Variants in MKLN1 observed in about 807,000 individuals in gnomAD.
MKLN1 encodes muskelin 1, also known as muskelin.
In MKLN1, 18 loss-of-function variants were observed where a neutral mutation model predicts 99.0. The ratio of observed to expected loss-of-function variants is 0.18; its 90% CI spans 0.13 to 0.27. The LOEUF is 0.27. Among genes scored for constraint, MKLN1 ranks in the 10% least tolerant of loss-of-function variants. The pLI is 1.00. For missense variants in MKLN1, 621 were observed against 875.9 expected (o/e 0.71, Z 3.67); for synonymous variants, 288 against 293.2 (o/e 0.98, Z 0.18).
At chr7:131,340,232 C>T (rs1208677922) in intron 1 of MKLN1, among the ~76,000 whole-genome samples, 3 of 149,932 alleles carry the variant, frequency 2.0e-5, no homozygotes, top group African/African-American at 7.4e-5. Context: ...GCTTTCATAG[C>T]AGTGTGTACC....
chr7:131,215,482 C>T (rs1387126245), intron 3 of MKLN1, among the ~76,000 whole-genome samples: 1 of 152,058 alleles, frequency 6.6e-6, no homozygotes, highest in East Asian at 1.9e-4. Context: ...GTAGCTGGGA[C>T]TACAGACAAA....
At chr7:131,132,086 A>G (rs1384658564) in intron 1 of MKLN1, among the ~76,000 whole-genome samples, 5 of 152,222 alleles carry the variant, frequency 3.3e-5, no homozygotes, top group Non-Finnish European at 7.3e-5. Flanking sequence ...TAATAGTGGG[A>G]AAAAGTGTAA....
At chr7:131,399,033 T>A (rs1245779934) in intron 5 of MKLN1, among the ~76,000 whole-genome samples, 1 of 152,250 alleles carries the variant, frequency 6.6e-6, no homozygotes, top group Non-Finnish European at 1.5e-5. Context: ...TTTGTGACCT[T>A]GAGCAAGTTA....
chr7:131,389,752 G>T (rs1180700997), intron 4 of MKLN1, among the ~76,000 whole-genome samples: 3 of 151,914 alleles, frequency 2.0e-5, no homozygotes, highest in African/African-American at 7.3e-5. Context: ...AGCTGGGCGT[G>T]GTGGTAGGCG....
At chr7:131,209,271 T>C (rs1796864008) in intron 3 of MKLN1, among the ~76,000 whole-genome samples, 1 of 152,156 alleles carries the variant, frequency 6.6e-6, no homozygotes, top group Non-Finnish European at 1.5e-5. Flanking sequence ...GATGGGAAGC[T>C]CTCAGAAAGT....
intron 3 of MKLN1, among the ~76,000 whole-genome samples, chr7:131,237,826 T>C (rs760957294): frequency 6.6e-6 from 1 of 152,112 alleles, no homozygotes; most frequent in African/African-American, 2.4e-5. Context: ...GGATTTGTCA[T>C]GGAAGGGATG....
chr7:131,430,153 A>G (rs1795481193), intron 9 of MKLN1, among the ~76,000 whole-genome samples: 1 of 152,204 alleles, frequency 6.6e-6, no homozygotes, highest in Non-Finnish European at 1.5e-5. Context: ...GCCTCAAATG[A>G]AAAGGAGATA....
intron 1 of MKLN1, among the ~76,000 whole-genome samples, chr7:131,356,646 G>C (rs772459689): frequency 4.0e-4 from 61 of 152,306 alleles, no homozygotes; most frequent in Middle Eastern, 3.4e-3. Flanking sequence ...TTTCGCCTCT[G>C]TCGTGTCCCA....
At chr7:131,257,619 A>G (rs1411454333) in intron 3 of MKLN1, among the ~76,000 whole-genome samples, 1 of 152,154 alleles carries the variant, frequency 6.6e-6, no homozygotes, top group Non-Finnish European at 1.5e-5. Flanking sequence ...AACCAAGTGC[A>G]TTTGGGAGAA....
intron 4 of MKLN1, among the ~76,000 whole-genome samples, chr7:131,391,582 C>T (rs1376223611): frequency 1.3e-5 from 2 of 152,282 alleles, no homozygotes; most frequent in East Asian, 3.9e-4. Context: ...CTTTTAAGAT[C>T]TGTTGTGGAT....
intron 17 of MKLN1, among the ~76,000 whole-genome samples, chr7:131,484,795 A>G (rs976934830): frequency 1.3e-5 from 2 of 152,248 alleles, no homozygotes; most frequent in Admixed American, 6.5e-5. Context: ...TGGTACATAT[A>G]TAGCAAATCT....
At chr7:131,217,703 A>T (rs754121521) in intron 3 of MKLN1, among the ~76,000 whole-genome samples, 15 of 152,230 alleles carry the variant, frequency 9.9e-5, no homozygotes, top group Non-Finnish European at 1.8e-4. Context: ...GTCTCAAAAA[A>T]CAAAACAAAA....
At chr7:131,239,884 T>C (rs1183968345) in intron 3 of MKLN1, among the ~76,000 whole-genome samples, 1 of 151,494 alleles carries the variant, frequency 6.6e-6, no homozygotes, top group African/African-American at 2.4e-5. Context: ...TTGTTAACTT[T>C]TAAAAAGCAA....
At chr7:131,316,430 C>A (rs1798669669) in intron 3 of MKLN1, among the ~76,000 whole-genome samples, 1 of 152,190 alleles carries the variant, frequency 6.6e-6, no homozygotes, top group Non-Finnish European at 1.5e-5. Flanking sequence ...AAGACTCCCA[C>A]ACAAAAACTC....
intron 12 of MKLN1, 44 bp downstream of exon 12, chr7:131,445,947 T>C (rs1362256373): frequency 4.3e-6 from 6 of 1,410,266 alleles, no homozygotes; most frequent in African/African-American, 2.9e-5. Flanking sequence ...TTAACTACTT[T>C]AGGTAGAAAA....
intron 1 of MKLN1, among the ~76,000 whole-genome samples, chr7:131,328,762 C>T (rs964313590): frequency 6.6e-6 from 1 of 152,152 alleles, no homozygotes; most frequent in African/African-American, 2.4e-5. Context: ...TTTTCAACAC[C>T]GGCTTTGTCT....
chr7:131,364,567 C>T (rs1228175553), intron 1 of MKLN1, among the ~76,000 whole-genome samples: 1 of 151,836 alleles, frequency 6.6e-6, no homozygotes, highest in Admixed American at 6.6e-5. Flanking sequence ...GTTTCATCAC[C>T]CAGGTATTAA....
intron 3 of MKLN1, among the ~76,000 whole-genome samples, chr7:131,255,014 C>T (rs543201598): frequency 6.6e-6 from 1 of 152,148 alleles, no homozygotes; most frequent in South Asian, 2.1e-4. Context: ...TCCTCAGCCT[C>T]CAGAGCTGGG....
At chr7:131,159,034 A>AT (rs201069825) in intron 2 of MKLN1, among the ~76,000 whole-genome samples, 5 of 150,976 alleles carry the variant, frequency 3.3e-5, no homozygotes, top group African/African-American at 1.2e-4. Context: ...CTACAAAAAA[A>AT]TTTAAAAAAA....
Sources: allele counts gnomAD v4.1 joint callset (sites outside exome capture counted in the v4.1 genomes callset), GRCh38; gene constraint gnomAD v4.1.1; transcripts MANE v1.5; gene names NCBI Gene and HGNC (gene_info 2026-07-23, HGNC 2026-07-21).